GBX1: variants seen among roughly 807,000 people sequenced by gnomAD.
GBX1 encodes gastrulation brain homeobox 1.
In GBX1, 9 loss-of-function variants were observed where a neutral mutation model predicts 22.9. The ratio of observed to expected loss-of-function variants is 0.39; its 90% CI spans 0.24 to 0.69. GBX1 has a LOEUF of 0.69. GBX1 is among the 30% of genes least tolerant of loss of function. The probability of loss-of-function intolerance (pLI) is 0.43; values close to 1 mark genes in which losing one functional copy is unlikely to be tolerated. For missense variants in GBX1, 494 were observed against 509.2 expected (o/e 0.97, Z 0.29); for synonymous variants, 203 against 227.3 (o/e 0.89, Z 0.96).
Position 151,148,584 on chromosome 7 carries a change from C to T in GBX1, c.*5G>A, listed in dbSNP as rs767697983. The T allele has an allele frequency of 6.2e-7, 1 of 1,610,990 alleles. No individual in the cohort carries two copies. The highest frequency in any genetic ancestry group is 1.1e-5 in the South Asian group (1 of 90,878). ...CCTCGCCTTCCTAAGTTCTTGGGTG[C>T]CCATTCAGGGCCGGGCCCCCTGCTC... On this transcript the variant is annotated 3_prime_UTR_variant, in exon 2 of 2. Transcript: ENST00000297537. The surrounding 1 kb of genome is among the most constrained non-coding windows in gnomAD (Gnocchi z 5.1).
chr7:151,161,877 A>T (rs907364260), intron 1 of GBX1, among the ~76,000 whole-genome samples: 3 of 152,238 alleles, frequency 2.0e-5, no homozygotes, highest in African/African-American at 7.2e-5. Flanking sequence ...AATTGAAAGG[A>T]ACATTAAAAA....
At chr7:151,158,990 C>T (rs1176052835) in intron 1 of GBX1, among the ~76,000 whole-genome samples, 2 of 152,124 alleles carry the variant, frequency 1.3e-5, no homozygotes, top group Non-Finnish European at 2.9e-5. Flanking sequence ...GCGCCACCAA[C>T]ATCTGTACCC....
At chr7:151,166,932 C>T (rs1801258879) in intron 1 of GBX1, 79 bp downstream of exon 1, 3 of 1,451,462 alleles carry the variant, frequency 2.1e-6, no homozygotes, top group East Asian at 2.3e-5. Flanking sequence ...GCCGAGGTGC[C>T]GAGGTTCCGA....
intron 1 of GBX1, among the ~76,000 whole-genome samples, chr7:151,162,446 C>T (rs78723217): frequency 0.016 from 2,412 of 152,222 alleles, 67 homozygotes; most frequent in African/African-American, 0.054. Context: ...GAAGTCTCCC[C>T]GGTCTCCTTG....
intron 1 of GBX1, among the ~76,000 whole-genome samples, chr7:151,152,328 G>A (rs1351696617): frequency 6.6e-6 from 1 of 151,954 alleles, no homozygotes; most frequent in Non-Finnish European, 1.5e-5. Context: ...CCCTATGAAT[G>A]TTATCCTTCC....
intron 1 of GBX1, among the ~76,000 whole-genome samples, chr7:151,150,365 G>C: frequency 6.6e-6 from 1 of 152,198 alleles, no homozygotes; most frequent in East Asian, 1.9e-4. Context: ...TAATCTGTAA[G>C]CTGAATAGTC....
rs529730440 is a variant in GBX1 at position 151,151,234 on chromosome 7, C to T, written c.539-2092G>A. On this transcript the variant is annotated intron_variant, in intron 1 of 1. Coordinates refer to ENST00000297537, the MANE Select transcript of GBX1 (RefSeq NM_001098834.3). Reference sequence around the variant, plus strand: ...CTTCCCATGCCACTCCTGTACATTGCTTTTCACCAGCCAATGGCTTTTGTT... The same window carrying T: ...CTTCCCATGCCACTCCTGTACATTGTTTTTCACCAGCCAATGGCTTTTGTT... 2.1e-3 allele frequency among the ~76,000 whole-genome samples: 327 copies of T among 152,314 alleles called. 1 individual carries two copies. Among genetic ancestry groups the T allele is most frequent in the Non-Finnish European group, 4.0e-3 (273 of 68,024 alleles).
rs547505880 is a variant in GBX1 at position 151,154,172 on chromosome 7, C to T, written c.539-5030G>A. On this transcript the variant is annotated intron_variant, in intron 1 of 1. Transcript: ENST00000297537. ...ATTGCAGTGAGCAGAGAGCGCGCCA[C>T]TGCACTCCAGCCTGGGCGACAGAGT... 3.3e-5 allele frequency among the ~76,000 whole-genome samples: 5 copies of T among 152,144 alleles called. No homozygotes were observed. In the East Asian group the frequency reaches 9.7e-4, roughly 29 times the overall value.
At chr7:151,159,120 C>T (rs1011004320) in intron 1 of GBX1, among the ~76,000 whole-genome samples, 16 of 150,746 alleles carry the variant, frequency 1.1e-4, no homozygotes, top group African/African-American at 3.4e-4. Context: ...GGTCTCACTC[C>T]GTTACCCAGG....
At chr7:151,165,662 T>TCAGTTACTGGGTCTTCCTGATCCAA (rs1801240772) in intron 1 of GBX1, among the ~76,000 whole-genome samples, 1 of 152,164 alleles carries the variant, frequency 6.6e-6, no homozygotes, top group African/African-American at 2.4e-5. Context: ...TATTCTGACT[T>TCAGTTACTGGGTCTTCCTGATCCAA]CAGTTACTGG....
intron 1 of GBX1, among the ~76,000 whole-genome samples, chr7:151,162,262 C>A (rs991694318): frequency 8.5e-5 from 13 of 152,178 alleles, no homozygotes; most frequent in Non-Finnish European, 1.5e-4. Flanking sequence ...CAACATAATT[C>A]TCTAATTCCA....
intron 1 of GBX1, chr7:151,149,814 T>A (rs1235812020): frequency 2.3e-6 from 1 of 428,730 alleles, no homozygotes; most frequent in Non-Finnish European, 4.7e-6. Flanking sequence ...CTCCCAGCCA[T>A]GCAGCACCTT....
chr7:151,148,814 T>C lies in GBX1; in HGVS notation c.867A>G (p.Thr289=). Residue 289 remains threonine (T), a synonymous_variant, in exon 2 of 2, where the codon ACA becomes ACG. Coordinates refer to ENST00000297537, the MANE Select transcript of GBX1 (RefSeq NM_001098834.3). The surrounding 1 kb of genome is among the most constrained non-coding windows in gnomAD (Gnocchi z 5.1). ...GGGCGTGGGCGATCTGAGAGCGCTC[T>C]GTCAAGCTCAGGTATTTCTTGCAAT... ...EFHCKKYLSL[T]ERSQIAHALK... 1.2e-6 allele frequency: 2 copies of C among 1,614,190 alleles called. No homozygotes were observed. Among genetic ancestry groups the C allele is most frequent in the Non-Finnish European group, 1.7e-6 (2 of 1,180,020 alleles).
rs376045645 is a variant in GBX1, at chr7:151,148,709, C to A, written c.972G>T (p.Val324=). ...TTACGGGCTCCCCAGAACGGCTGCT[C>A]ACATTGCCAGCTTTGATGCGCTTCC... ...AKWKRIKAGN[V]SSRSGEPVRN... The change falls in exon 2 of 2, where the codon GTG becomes GTT. Residue 324 remains valine (V), a synonymous_variant. Transcript: ENST00000297537. The surrounding 1 kb of genome is among the most constrained non-coding windows in gnomAD (Gnocchi z 5.1). The A allele has an allele frequency of 6.8e-6, 11 of 1,614,180 alleles. No homozygotes were observed. The highest frequency in any genetic ancestry group is 9.3e-6 in the Non-Finnish European group (11 of 1,180,038).
At chr7:151,160,475 T>G (rs552573516) in intron 1 of GBX1, among the ~76,000 whole-genome samples, 1 of 152,366 alleles carries the variant, frequency 6.6e-6, no homozygotes, top group East Asian at 1.9e-4. Flanking sequence ...AGAAGTATTT[T>G]CCTGTTCCTC....
Position 151,167,012 on chromosome 7 carries a change from G to C in GBX1, c.537C>G (p.Pro179=), listed in dbSNP as rs375522842. The change falls in exon 1 of 2, where the codon CCC becomes CCG. Residue 179 remains proline (P), a splice_region_variant and synonymous_variant. Transcript: ENST00000297537. This position sits in a 1 kb window ranked among gnomAD's most constrained non-coding sequence, Gnocchi z 5.9. ...PHFSETFPSL[P]AEGKVYSSDE... ...GCCCTGGTCGGCCCTAGCACTTACCGGGCAGACTTGGAAAAGTCTCTGAGA... is the reference window on the plus strand; with the variant it reads ...GCCCTGGTCGGCCCTAGCACTTACCCGGCAGACTTGGAAAAGTCTCTGAGA... The C allele has an allele frequency of 5.0e-6, 8 of 1,604,166 alleles. No individual in the cohort carries two copies. The highest frequency in any genetic ancestry group is 1.1e-5 in the South Asian group (1 of 89,646).
chr7:151,166,017 TC>T lies in GBX1; in HGVS notation c.538+993del, dbSNP rs550523676. On this transcript the variant is annotated intron_variant, in intron 1 of 1. Transcript: ENST00000297537. ...TACTAAAGATGTTGAAGCATCAGAG[TC>T]CCCACACTTGCAAGTGGTGCCTATT... Among the ~76,000 whole-genome samples, 196 of 152,066 alleles carry T rather than the reference TC, an allele frequency of 1.3e-3. 1 individual carries two copies. Among genetic ancestry groups the T allele is most frequent in the African/African-American group, 4.6e-3 (190 of 41,460 alleles).
Position 151,148,466 on chromosome 7 carries a change from T to C in GBX1, c.*123A>G. 1 of 903,662 alleles carries C rather than the reference T, an allele frequency of 1.1e-6. No individual in the cohort carries two copies. Among genetic ancestry groups the C allele is most frequent in the East Asian group, 2.6e-5 (1 of 37,894 alleles). 56.0% of individuals were successfully genotyped at this position (903,662 alleles called of 1,614,324 possible). Reference sequence around the variant, plus strand: ...AAGAGCACACCCAGGGCTAGGTTAATTGCCAACTAGCCCCTCTCAAGGCAG... The same window carrying C: ...AAGAGCACACCCAGGGCTAGGTTAACTGCCAACTAGCCCCTCTCAAGGCAG... On this transcript the variant is annotated 3_prime_UTR_variant, in exon 2 of 2. Transcript: ENST00000297537. This position sits in a 1 kb window ranked among gnomAD's most constrained non-coding sequence, Gnocchi z 5.1.
chr7:151,159,375 G>A (rs1455802958), intron 1 of GBX1, among the ~76,000 whole-genome samples: 4 of 152,096 alleles, frequency 2.6e-5, no homozygotes, highest in African/African-American at 7.2e-5. Context: ...GGCAGAGACT[G>A]AATTTTTGTT....
Sources: gnomAD v4.1 joint callset for allele counts (sites outside exome capture counted in the v4.1 genomes callset) on GRCh38, gnomAD v4.1.1 for gene constraint, Gnocchi (gnomAD v3.1) non-coding constraint, MANE v1.5 for transcripts, NCBI Gene and HGNC (gene_info 2026-07-23, HGNC 2026-07-21) for gene names.